The following NCOR1 variants were observed in gnomAD, a reference collection of about 807,000 sequenced individuals.
NCOR1 encodes the protein nuclear receptor corepressor 1.
Under a neutral mutation model 288.1 loss-of-function variants are expected in NCOR1, and 63 were observed. The observed-to-expected ratio is 0.22, with a 90% CI of 0.18 to 0.27. The LOEUF (loss-of-function observed/expected upper bound fraction) is 0.27. Among genes scored for constraint, NCOR1 ranks in the 10% least tolerant of loss-of-function variants. NCOR1 has a pLI of 1.00. For synonymous variants in NCOR1, 1,007 were observed against 1,065.9 expected (o/e 0.94, Z 1.08); for missense variants, 2,397 against 3,019.2 (o/e 0.79, Z 4.83).
intron 8 of NCOR1, among the ~76,000 whole-genome samples, chr17:16,150,022 G>C (rs773742829): frequency 5.3e-5 from 8 of 152,070 alleles, no homozygotes; most frequent in South Asian, 4.1e-4. Context: ...TCCACTCTAA[G>C]AAGTAATGGA....
intron 43 of NCOR1, chr17:16,039,884 A>C (rs887185889): frequency 1.3e-5 from 6 of 468,332 alleles, no homozygotes; most frequent in Non-Finnish European, 2.3e-5. Context: ...TCCGCCTCCC[A>C]GATTCAAGGG....
chr17:16,100,484 T>C (rs1022798763), intron 20 of NCOR1, among the ~76,000 whole-genome samples: 9 of 151,852 alleles, frequency 5.9e-5, no homozygotes, highest in African/African-American at 2.2e-4. Flanking sequence ...CTACTAAAAA[T>C]ACAAAAATTA....
intron 41 of NCOR1, 85 bp from the exon 42 acceptor site, chr17:16,047,178 G>T: frequency 7.1e-7 from 1 of 1,404,328 alleles, no homozygotes; most frequent in Non-Finnish European, 9.6e-7. Flanking sequence ...CAGTCAGAGA[G>T]TACTTAGAAA....
At position 16,072,169 on chromosome 17, in the gene NCOR1, C is replaced by A; in HGVS notation, c.3871G>T (p.Val1291Leu). 6.2e-7 allele frequency: 1 copy of A among 1,612,548 alleles called. No individual in the cohort carries two copies. Among genetic ancestry groups the A allele is most frequent in the Non-Finnish European group, 8.5e-7 (1 of 1,179,192 alleles). ...SPHSDLKERTVLSGSIMQGTP... is the reference protein window; with the variant it reads ...SPHSDLKERTLLSGSIMQGTP... ...CCCTGCATTATGGAGCCAGACAATA[C>A]AGTCCTTTCTTTGAGGTCAGAATGA... The change falls in exon 29 of 46, where the codon GTA (valine) becomes TTA (leucine). Residue 1291 changes from valine to leucine, a missense_variant. Physicochemically the swap from Val to Leu is conservative, Grantham distance 32 (BLOSUM62 1). Coordinates refer to ENST00000268712, the MANE Select transcript of NCOR1 (RefSeq NM_006311.4).
chr17:16,190,494 C>T (rs1474597446), intron 2 of NCOR1, among the ~76,000 whole-genome samples: 4 of 151,780 alleles, frequency 2.6e-5, no homozygotes, highest in Non-Finnish European at 5.9e-5. Flanking sequence ...AACACCACAC[C>T]CAGCTATTTT....
chr17:16,190,117 C>T (rs1039335338), intron 2 of NCOR1, among the ~76,000 whole-genome samples: 3 of 152,142 alleles, frequency 2.0e-5, no homozygotes, highest in African/African-American at 7.2e-5. Flanking sequence ...ATAGTCCCAG[C>T]TACTCATGAG....
chr17:16,061,005 T>C (rs531657407), intron 37 of NCOR1, among the ~76,000 whole-genome samples: 1 of 152,304 alleles, frequency 6.6e-6, no homozygotes, highest in South Asian at 2.1e-4. Context: ...AACCTGTGTC[T>C]TAGAAAAAGG....
intron 16 of NCOR1, among the ~76,000 whole-genome samples, chr17:16,120,799 AT>A (rs2072844492): frequency 6.6e-6 from 1 of 152,306 alleles, no homozygotes; most frequent in South Asian, 2.1e-4. Flanking sequence ...AAAAATGGTA[AT>A]TATTAGAAAT....
chr17:16,071,335 T>C, intron 30 of NCOR1, 74 bp downstream of exon 30: 3 of 1,536,422 alleles, frequency 2.0e-6, no homozygotes, highest in Non-Finnish European at 1.8e-6. Context: ...GAACCACTTA[T>C]AATTATTAAG....
chr17:16,055,455 A>T (rs543507812), intron 40 of NCOR1, among the ~76,000 whole-genome samples: 6 of 152,352 alleles, frequency 3.9e-5, no homozygotes, highest in South Asian at 4.1e-4. Context: ...GTTCTCACTT[A>T]TAAGCGGGAG....
chr17:16,133,647 C>T (rs1319543557), intron 14 of NCOR1, among the ~76,000 whole-genome samples: 1 of 152,158 alleles, frequency 6.6e-6, no homozygotes, highest in African/African-American at 2.4e-5. Context: ...TAACCCAGAT[C>T]TTTTTCCTAC....
At chr17:16,090,877 T>G (rs2065058546) in intron 22 of NCOR1, among the ~76,000 whole-genome samples, 1 of 152,206 alleles carries the variant, frequency 6.6e-6, no homozygotes, top group African/African-American at 2.4e-5. Context: ...ATTGTAAAGC[T>G]AATAGCTCTT....
rs7215557 is a variant in NCOR1, at chr17:16,096,743, T to C, written c.2820+1624A>G. 9.8e-3 allele frequency among the ~76,000 whole-genome samples: 1,490 copies of C among 152,300 alleles called. 23 individuals are homozygous for C. Among genetic ancestry groups the C allele is most frequent in the African/African-American group, 0.034 (1,404 of 41,558 alleles). ...TTACTCAAAGTTAGACTCAGCATCT[T>C]CCTACCCTTCTCTCCCATATGTCTT... On this transcript the variant is annotated intron_variant, in intron 21 of 45. Coordinates refer to ENST00000268712, the MANE Select transcript of NCOR1 (RefSeq NM_006311.4).
intron 19 of NCOR1, among the ~76,000 whole-genome samples, chr17:16,106,283 A>G (rs2068606574): frequency 6.6e-6 from 1 of 152,212 alleles, no homozygotes; most frequent in African/African-American, 2.4e-5. Context: ...ATATTAGAAG[A>G]CATGTTAGTG....
At chr17:16,153,725 G>C (rs1312431968) in intron 6 of NCOR1, among the ~76,000 whole-genome samples, 1 of 152,142 alleles carries the variant, frequency 6.6e-6, no homozygotes, top group Non-Finnish European at 1.5e-5. Flanking sequence ...AAACTGGAGA[G>C]AGGGAATGAA....
At chr17:16,081,001 A>G (rs1170550075) in intron 23 of NCOR1, among the ~76,000 whole-genome samples, 1 of 151,936 alleles carries the variant, frequency 6.6e-6, no homozygotes, top group Non-Finnish European at 1.5e-5. Flanking sequence ...TACATAAATA[A>G]AGCACTTATA....
rs773369567 is a variant in NCOR1, at chr17:16,086,377, G to C, written c.3082C>G (p.Arg1028Gly). Residue 1028 changes from arginine (R) to glycine (G), a missense_variant, in exon 23 of 46, where the codon CGA becomes GGA. Physicochemically the swap from Arg to Gly is moderately radical, Grantham distance 125 (BLOSUM62 -2). Coordinates refer to ENST00000268712, the MANE Select transcript of NCOR1 (RefSeq NM_006311.4). The stretch of plus-strand genomic sequence containing the variant: ...AGAGGGGGCGGTGGCCTGGTTGGTC[G>C]AGTTGTCGGAAGCCGAACGCCTTCA... Reference protein sequence around the residue: ...LPEGVRLPTTRPTRPPPPLIP... With the variant: ...LPEGVRLPTTGPTRPPPPLIP... The C allele has an allele frequency of 6.2e-7, 1 of 1,614,120 alleles. No homozygotes were observed. Among genetic ancestry groups the C allele is most frequent in the Non-Finnish European group, 8.5e-7 (1 of 1,179,998 alleles).
At chr17:16,158,392 A>G (rs2080171695) in intron 6 of NCOR1, among the ~76,000 whole-genome samples, 2 of 152,218 alleles carry the variant, frequency 1.3e-5, no homozygotes, top group African/African-American at 4.8e-5. Flanking sequence ...ATCAGTAGTC[A>G]GCATTAAACA....
chr17:16,065,122 T>G (rs530798184), intron 33 of NCOR1, 103 bp from the exon 34 acceptor site: 1 of 1,047,200 alleles, frequency 9.5e-7, no homozygotes. Flanking sequence ...GGGTAATTTG[T>G]ACATAATATA....
Sources: allele counts gnomAD v4.1 joint callset (sites outside exome capture counted in the v4.1 genomes callset), GRCh38; gene constraint gnomAD v4.1.1; transcripts MANE v1.5; gene names NCBI Gene and HGNC (gene_info 2026-07-23, HGNC 2026-07-21).